The following CCDC85A variants were observed in gnomAD, a reference collection of about 807,000 sequenced individuals.
The protein encoded by CCDC85A is coiled-coil domain-containing protein 85A.
Under a neutral mutation model 50.2 loss-of-function variants are expected in CCDC85A, and 38 were observed. The observed-to-expected ratio is 0.76, with a 90% confidence interval of 0.58 to 0.99. The LOEUF (loss-of-function observed/expected upper bound fraction) is 0.99, where lower values mean the gene tolerates loss of function less well. CCDC85A is among the 50% of genes least tolerant of loss of function. CCDC85A has a pLI of 0.00. For missense variants in CCDC85A, 820 were observed against 742.0 expected (o/e 1.11, Z -1.22); for synonymous variants, 366 against 301.4 (o/e 1.21, Z -2.22).
chr2:56,214,641 A>G (rs1677318778), intron 2 of CCDC85A, among the ~76,000 whole-genome samples: 1 of 151,784 alleles, frequency 6.6e-6, no homozygotes, highest in Non-Finnish European at 1.5e-5. Flanking sequence ...TGTTGAAAGG[A>G]CTTTATTGAA....
At chr2:56,249,644 C>T (rs145930413) in intron 2 of CCDC85A, among the ~76,000 whole-genome samples, 1 of 152,350 alleles carries the variant, frequency 6.6e-6, no homozygotes, top group East Asian at 1.9e-4. Flanking sequence ...TATCAGTTTT[C>T]TCTGAGCCTT....
intron 2 of CCDC85A, among the ~76,000 whole-genome samples, chr2:56,319,529 T>A (rs543324800): frequency 3.9e-5 from 6 of 152,250 alleles, no homozygotes; most frequent in African/African-American, 1.2e-4. Context: ...TGTTTCGCAC[T>A]CTTTTTCGAT....
chr2:56,196,079 A>G (rs1676508342), intron 2 of CCDC85A, among the ~76,000 whole-genome samples: 1 of 152,200 alleles, frequency 6.6e-6, no homozygotes, highest in Non-Finnish European at 1.5e-5. Flanking sequence ...TATTGAACTC[A>G]TTCAAGAGTT....
chr2:56,330,898 T>A (rs534060451), intron 2 of CCDC85A, among the ~76,000 whole-genome samples: 58 of 152,256 alleles, frequency 3.8e-4, no homozygotes, highest in African/African-American at 1.4e-3. Flanking sequence ...AAAGTGATCA[T>A]CATATCAAAA....
At chr2:56,237,770 A>G (rs1185231407) in intron 2 of CCDC85A, among the ~76,000 whole-genome samples, 1 of 151,664 alleles carries the variant, frequency 6.6e-6, no homozygotes, top group Non-Finnish European at 1.5e-5. Context: ...GAGAGAGAGA[A>G]CAAAGTTTGC....
intron 2 of CCDC85A, among the ~76,000 whole-genome samples, chr2:56,336,847 C>T (rs1036300993): frequency 5.3e-5 from 8 of 151,974 alleles, no homozygotes; most frequent in African/African-American, 1.9e-4. Context: ...TATCAAGTTA[C>T]TGTAAAGGTA....
At chr2:56,237,827 G>C (rs938795050) in intron 2 of CCDC85A, among the ~76,000 whole-genome samples, 10 of 151,922 alleles carry the variant, frequency 6.6e-5, no homozygotes, top group African/African-American at 2.4e-4. Flanking sequence ...TCAATGAAGA[G>C]AAAGATATTT....
intron 2 of CCDC85A, among the ~76,000 whole-genome samples, chr2:56,281,930 T>C (rs1379318426): frequency 6.6e-6 from 1 of 152,210 alleles, no homozygotes; most frequent in East Asian, 1.9e-4. Flanking sequence ...ATCCTTAATT[T>C]TGATGAAGTT....
At chr2:56,267,800 T>TA (rs1670519628) in intron 2 of CCDC85A, among the ~76,000 whole-genome samples, 1 of 152,218 alleles carries the variant, frequency 6.6e-6, no homozygotes, top group Non-Finnish European at 1.5e-5. Flanking sequence ...AAAAACTAGC[T>TA]AAAATCTAAC....
At chr2:56,211,565 A>G (rs1677179402) in intron 2 of CCDC85A, among the ~76,000 whole-genome samples, 1 of 151,874 alleles carries the variant, frequency 6.6e-6, no homozygotes, top group South Asian at 2.1e-4. Flanking sequence ...TTTTTTTTTA[A>G]TTAAGGAAAA....
chr2:56,284,249 TTA>T (rs1327963851), intron 2 of CCDC85A, among the ~76,000 whole-genome samples: 2 of 152,236 alleles, frequency 1.3e-5, no homozygotes, highest in Non-Finnish European at 2.9e-5. Flanking sequence ...TTGAAATTTA[TTA>T]TGTCTTTTAT....
At chr2:56,326,997 G>T (rs1673504243) in intron 2 of CCDC85A, among the ~76,000 whole-genome samples, 1 of 152,068 alleles carries the variant, frequency 6.6e-6, no homozygotes, top group Non-Finnish European at 1.5e-5. Context: ...ATCAGAACTG[G>T]TATGCATCTA....
chr2:56,245,371 C>T (rs947891861), intron 2 of CCDC85A, among the ~76,000 whole-genome samples: 1 of 152,230 alleles, frequency 6.6e-6, no homozygotes, highest in Non-Finnish European at 1.5e-5. Flanking sequence ...CCTGCTCTAC[C>T]TCCCACAAGC....
At chr2:56,195,756 C>T (rs376647313) in intron 2 of CCDC85A, among the ~76,000 whole-genome samples, 19 of 152,158 alleles carry the variant, frequency 1.2e-4, no homozygotes, top group Admixed American at 3.3e-4. Flanking sequence ...TTTGCTGACT[C>T]ATTTCCAGAG....
chr2:56,249,535 C>A (rs934987760), intron 2 of CCDC85A, among the ~76,000 whole-genome samples: 1 of 152,226 alleles, frequency 6.6e-6, no homozygotes, highest in Non-Finnish European at 1.5e-5. Context: ...ACTGTGGAAG[C>A]TTTGAGGTCA....
At chr2:56,259,707 C>T (rs574755678) in intron 2 of CCDC85A, among the ~76,000 whole-genome samples, 1 of 152,306 alleles carries the variant, frequency 6.6e-6, no homozygotes, top group Non-Finnish European at 1.5e-5. Flanking sequence ...CTTCCCAGAG[C>T]CTATTCTCCA....
intron 2 of CCDC85A, among the ~76,000 whole-genome samples, chr2:56,337,588 A>T (rs953333964): frequency 6.6e-6 from 1 of 151,986 alleles, no homozygotes; most frequent in African/African-American, 2.4e-5. Flanking sequence ...GGCTCCACTC[A>T]TATCTCTCTG....
chr2:56,195,326 G>C (rs73940613), intron 2 of CCDC85A, among the ~76,000 whole-genome samples: 5,079 of 152,294 alleles, frequency 0.033, 286 homozygotes, highest in African/African-American at 0.11. Context: ...CCTGGATACA[G>C]AGAAACTTAG....
intron 5 of CCDC85A, among the ~76,000 whole-genome samples, chr2:56,377,351 A>T (rs1011940189): frequency 1.3e-5 from 2 of 152,192 alleles, no homozygotes; most frequent in African/African-American, 4.8e-5. Flanking sequence ...AAAGCATTTT[A>T]AAAGTAGAAA....
Sources: gnomAD v4.1 joint callset for allele counts (sites outside exome capture counted in the v4.1 genomes callset) on GRCh38, gnomAD v4.1.1 for gene constraint, MANE v1.5 for transcripts, NCBI Gene and HGNC (gene_info 2026-07-23, HGNC 2026-07-21) for gene names.